Variants in LPCAT3 observed in about 807,000 individuals in gnomAD.
LPCAT3 encodes lysophospholipid acyltransferase 5.
A neutral mutation model predicts 63.4 loss-of-function variants in LPCAT3; 21 were observed. That is an observed-to-expected ratio of 0.33 (90% CI 0.23 to 0.48). The LOEUF (loss-of-function observed/expected upper bound fraction) is 0.48, where lower values mean the gene tolerates loss of function less well. Among genes scored for constraint, LPCAT3 ranks in the 20% least tolerant of loss-of-function variants. The pLI, the probability that LPCAT3 is intolerant of heterozygous loss-of-function variation, is 0.99. For synonymous variants in LPCAT3, 242 were observed against 227.5 expected (o/e 1.06, Z -0.58); for missense variants, 451 against 590.6 (o/e 0.76, Z 2.45).
chr12:6,982,536 T>A lies in LPCAT3; in HGVS notation c.366+140A>T, dbSNP rs1250057207. ...ACACTTGGGCCTGTGATAAGCCACC[T>A]ACCTGAAGTCATACTGCTAAGTGCT... On this transcript the variant is annotated intron_variant, in intron 3 of 12. Transcript: ENST00000261407. 4 of 638,604 alleles carry A rather than the reference T, an allele frequency of 6.3e-6. No homozygotes were observed. In the Admixed American group the frequency reaches 1.1e-4, roughly 17 times the overall value. 39.6% of individuals were successfully genotyped at this position (638,604 alleles called of 1,614,324 possible). A position where few individuals can be genotyped will look rare whatever the true frequency, so the allele number is the denominator to read the frequency against.
intron 5 of LPCAT3, 178 bp from the exon 6 acceptor site, chr12:6,981,360 T>A: frequency 1.5e-6 from 1 of 672,362 alleles, no homozygotes; most frequent in Non-Finnish European, 2.5e-6. Flanking sequence ...TAGCTGGCTG[T>A]TGCTGCTTTA....
intron 1 of LPCAT3, among the ~76,000 whole-genome samples, chr12:7,001,156 T>C (rs1230921154): frequency 5.3e-5 from 8 of 151,018 alleles, no homozygotes; most frequent in Non-Finnish European, 8.8e-5. Context: ...TAAAGGTCTG[T>C]GAATGTACCC....
chr12:7,005,482 G>A (rs1311524189), intron 1 of LPCAT3, among the ~76,000 whole-genome samples: 2 of 152,216 alleles, frequency 1.3e-5, no homozygotes, highest in Admixed American at 1.3e-4. Flanking sequence ...TGGGTCATAT[G>A]GTAACTGTGA....
intron 1 of LPCAT3, among the ~76,000 whole-genome samples, chr12:6,995,078 A>G (rs1400598263): frequency 6.6e-6 from 1 of 150,654 alleles, no homozygotes; most frequent in Non-Finnish European, 1.5e-5. Flanking sequence ...CAAACTCTGT[A>G]TAACTAAGGC....
chr12:6,979,196 C>T (rs935172276), intron 7 of LPCAT3: 3 of 489,462 alleles, frequency 6.1e-6, no homozygotes, highest in Non-Finnish European at 1.1e-5. Flanking sequence ...TGAGGGGTCA[C>T]GTGGATGTGA....
intron 1 of LPCAT3, among the ~76,000 whole-genome samples, chr12:7,004,051 T>G (rs2138355715): frequency 6.6e-6 from 1 of 152,194 alleles, no homozygotes. Flanking sequence ...ACAGAAAGTA[T>G]GAGAGACTGG....
At chr12:6,985,408 TAAAAC>T (rs1946513520) in intron 1 of LPCAT3, among the ~76,000 whole-genome samples, 1 of 142,622 alleles carries the variant, frequency 7.0e-6, no homozygotes, top group South Asian at 2.2e-4. Flanking sequence ...AAAACCAAAA[TAAAAC>T]AAAACAAAAA....
chr12:7,000,865 C>T (rs1336219775), intron 1 of LPCAT3, among the ~76,000 whole-genome samples: 3 of 151,772 alleles, frequency 2.0e-5, no homozygotes, highest in African/African-American at 7.3e-5. Flanking sequence ...CGCCACCACG[C>T]CTGGCTAATT....
At position 6,978,688 on chromosome 12, in the gene LPCAT3, T is replaced by A. The variant is rs1344057456; in HGVS notation, c.788A>T (p.Asn263Ile). 5 of 1,613,946 alleles carry A rather than the reference T, an allele frequency of 3.1e-6. No homozygotes were observed. Among genetic ancestry groups the A allele is most frequent in the Non-Finnish European group, 4.2e-6 (5 of 1,179,998 alleles). Reference protein sequence around the residue: ...EDYLLTEDYDNHPFWFRCMYM... With the variant: ...EDYLLTEDYDIHPFWFRCMYM... Reference sequence around the variant, plus strand: ...CATGCAGCGGAACCAGAAGGGGTGGTTCTTGAGGGAAGAAAGCACAGTGCA... The same window carrying A: ...CATGCAGCGGAACCAGAAGGGGTGGATCTTGAGGGAAGAAAGCACAGTGCA... The change falls in exon 8 of 13, where the codon AAC becomes ATC. Residue 263 changes from asparagine (N) to isoleucine (I), a missense_variant and splice_region_variant. This residue lies in a region of LPCAT3 where 304 missense variants were observed against 390.8 expected (regional missense o/e 0.78). Coordinates refer to ENST00000261407, the MANE Select transcript of LPCAT3 (RefSeq NM_005768.6).
intron 1 of LPCAT3, among the ~76,000 whole-genome samples, chr12:6,994,498 G>A (rs1050697504): frequency 7.9e-5 from 12 of 151,348 alleles, no homozygotes; most frequent in African/African-American, 2.7e-4. Flanking sequence ...GTGAGCCACC[G>A]GGCTGTTGCC....
At chr12:6,979,843 G>A (rs1946451677) in intron 6 of LPCAT3, 4 of 457,650 alleles carry the variant, frequency 8.7e-6, no homozygotes, top group Non-Finnish European at 1.6e-5. Flanking sequence ...ACCCCTCAGG[G>A]ATGCTACTGA....
At chr12:7,013,896 CG>C (rs1565607260) in intron 1 of LPCAT3, among the ~76,000 whole-genome samples, 2 of 152,234 alleles carry the variant, frequency 1.3e-5, no homozygotes, top group Admixed American at 6.5e-5. Context: ...CTATCACCTA[CG>C]TGAGTACTAA....
At position 6,981,903 on chromosome 12, in the gene LPCAT3, G is replaced by A. The variant is rs782721760; in HGVS notation, c.368C>T (p.Ala123Val). ...AVLTTFCFQM[A>V]YLLAGYYYTA... Reference sequence around the variant, plus strand: ...GTAATAGTATCCAGCCAGAAGGTAGGCCTAGGAGAGGCAGAAGTATTTATT... The same window carrying A: ...GTAATAGTATCCAGCCAGAAGGTAGACCTAGGAGAGGCAGAAGTATTTATT... The change falls in exon 4 of 13, where the codon GCC (alanine) becomes GTC (valine). Residue 123 changes from alanine (A) to valine (V), a missense_variant and splice_region_variant. Transcript: ENST00000261407. 7.7e-6 allele frequency: 12 copies of A among 1,548,744 alleles called. No homozygotes were observed. The highest frequency in any genetic ancestry group is 1.7e-4 in the Middle Eastern group (1 of 5,942).
chr12:6,982,820 A>G, intron 2 of LPCAT3, 38 bp from the exon 3 acceptor site: 1 of 1,354,598 alleles, frequency 7.4e-7, no homozygotes, highest in Non-Finnish European at 1.1e-6. Flanking sequence ...TGGTTTTTAC[A>G]CTCCCACCGT....
At chr12:7,006,604 A>T (rs1946726732) in intron 1 of LPCAT3, among the ~76,000 whole-genome samples, 2 of 152,360 alleles carry the variant, frequency 1.3e-5, no homozygotes, top group African/African-American at 2.4e-5. Flanking sequence ...GAGCACCAAT[A>T]GTCAATGAAG....
intron 1 of LPCAT3, among the ~76,000 whole-genome samples, chr12:7,006,265 C>T (rs1202962641): frequency 6.6e-6 from 1 of 152,192 alleles, no homozygotes; most frequent in Non-Finnish European, 1.5e-5. Context: ...TTCTCCCAGG[C>T]TATAGTACAG....
chr12:6,989,041 T>C (rs964925004), intron 1 of LPCAT3, among the ~76,000 whole-genome samples: 1 of 151,574 alleles, frequency 6.6e-6, no homozygotes, highest in East Asian at 2.0e-4. Context: ...CAGAATTGCT[T>C]GAACCTGGGA....
chr12:6,997,579 G>A (rs782227827), intron 1 of LPCAT3, among the ~76,000 whole-genome samples: 5 of 147,396 alleles, frequency 3.4e-5, no homozygotes, highest in Non-Finnish European at 7.5e-5. Flanking sequence ...ATGCATGGCT[G>A]ATTTTCTTTT....
At position 6,977,016 on chromosome 12, in the gene LPCAT3, T is replaced by A; in HGVS notation, c.*12+118A>T. The stretch of plus-strand genomic sequence containing the variant: ...GTAGTCATTGCCCATACTGTGTTCC[T>A]TAGTAGCCAGGCTAATCCTTGGAAT... On this transcript the variant is annotated intron_variant, in intron 12 of 12. Coordinates refer to ENST00000261407, the MANE Select transcript of LPCAT3 (RefSeq NM_005768.6). This position sits in a 1 kb window ranked among gnomAD's most constrained non-coding sequence, Gnocchi z 4.5. 1.4e-6 allele frequency: 1 copy of A among 708,606 alleles called. No individual in the cohort carries two copies. The highest frequency in any genetic ancestry group is 2.5e-5 in the East Asian group (1 of 40,408). 43.9% of individuals were successfully genotyped at this position (708,606 alleles called of 1,614,324 possible).
Sources: allele counts gnomAD v4.1 joint callset (sites outside exome capture counted in the v4.1 genomes callset), GRCh38; gene constraint gnomAD v4.1.1; regional missense constraint gnomAD v4.1.1; non-coding constraint Gnocchi (gnomAD v3.1); transcripts MANE v1.5; gene names NCBI Gene and HGNC (gene_info 2026-07-23, HGNC 2026-07-21).